STAG1: variants seen among roughly 807,000 people sequenced by gnomAD.
STAG1 encodes cohesin subunit SA-1.
STAG1 carries 26 observed loss-of-function variants against 170.9 expected under a neutral mutation model. The observed-to-expected ratio is 0.15, with a 90% CI of 0.11 to 0.21. The LOEUF is 0.21. STAG1 is among the 10% of genes least tolerant of loss of function. The pLI is 1.00. For synonymous variants in STAG1, 514 were observed against 497.7 expected (o/e 1.03, Z -0.44); for missense variants, 964 against 1,509.5 (o/e 0.64, Z 5.99).
rs558038977 is a variant in STAG1, at chr3:136,612,439, C to G, written c.133-7966G>C. On this transcript the variant is annotated intron_variant, in intron 3 of 33. Transcript: ENST00000383202. ...TGGGAAACAAAGCAAGACTCCTTCT[C>G]TACAAAAAAATAAAAAAATTTATCA... is the stretch of plus-strand genomic sequence containing the variant. 8.2e-4 allele frequency among the ~76,000 whole-genome samples: 124 copies of G among 151,132 alleles called. 1 individual carries two copies. Among genetic ancestry groups the G allele is most frequent in the African/African-American group, 2.4e-3 (98 of 41,164 alleles).
intron 6 of STAG1, among the ~76,000 whole-genome samples, chr3:136,538,311 G>A (rs981392643): frequency 5.9e-5 from 9 of 152,050 alleles, no homozygotes; most frequent in Non-Finnish European, 1.0e-4. Flanking sequence ...ATTACCAAGG[G>A]TGGAAGGAAG....
At chr3:136,678,693 T>C (rs1942221303) in intron 1 of STAG1, among the ~76,000 whole-genome samples, 1 of 151,614 alleles carries the variant, frequency 6.6e-6, no homozygotes, top group Non-Finnish European at 1.5e-5. Flanking sequence ...CACACTGAGC[T>C]TCTGCAATTT....
chr3:136,385,294 G>T (rs1048735646), intron 22 of STAG1, among the ~76,000 whole-genome samples: 7 of 152,000 alleles, frequency 4.6e-5, no homozygotes, highest in Non-Finnish European at 8.8e-5. Flanking sequence ...CAATATATCA[G>T]CCAGGTGTGG....
chr3:136,566,905 CTG>C (rs1937096959), intron 5 of STAG1, among the ~76,000 whole-genome samples: 1 of 152,046 alleles, frequency 6.6e-6, no homozygotes, highest in African/African-American at 2.4e-5. Flanking sequence ...TGCAATGAGC[CTG>C]TGTTTTTAAA....
At chr3:136,746,279 T>C (rs1299573334) in intron 1 of STAG1, among the ~76,000 whole-genome samples, 2 of 152,204 alleles carry the variant, frequency 1.3e-5, no homozygotes, top group Non-Finnish European at 2.9e-5. Context: ...GCCCCTATTA[T>C]ATCATTTCTG....
chr3:136,477,053 G>C (rs1330073006), intron 10 of STAG1, among the ~76,000 whole-genome samples: 2 of 152,058 alleles, frequency 1.3e-5, no homozygotes, highest in South Asian at 2.1e-4. Flanking sequence ...ATATATACCA[G>C]GTTGTCAAAC....
In STAG1 at chr3:136,477,447, T is replaced by C. The variant is rs760140277; in HGVS notation, c.903-35A>G. ...GAAAAAAAAGACAATCTCAAATTAATATACAAAGCTAGAATGCATTCATAC... is the reference window on the plus strand; with the variant it reads ...GAAAAAAAAGACAATCTCAAATTAACATACAAAGCTAGAATGCATTCATAC... On this transcript the variant is annotated intron_variant, in intron 9 of 33. Coordinates refer to ENST00000383202, the MANE Select transcript of STAG1 (RefSeq NM_005862.3). The C allele has an allele frequency of 3.8e-6, 6 of 1,562,776 alleles. No individual in the cohort carries two copies. In the Admixed American group the frequency reaches 5.5e-5, roughly 14 times the overall value.
intron 5 of STAG1, among the ~76,000 whole-genome samples, chr3:136,558,071 A>G (rs1936696358): frequency 6.6e-6 from 1 of 152,176 alleles, no homozygotes. Flanking sequence ...CAATATACAT[A>G]ACAAAGGAGA....
intron 5 of STAG1, among the ~76,000 whole-genome samples, chr3:136,544,613 A>T (rs1281300833): frequency 6.6e-6 from 1 of 151,866 alleles, no homozygotes; most frequent in Non-Finnish European, 1.5e-5. Context: ...AAATACAAAA[A>T]AACAGCCGGG....
intron 1 of STAG1, among the ~76,000 whole-genome samples, chr3:136,741,132 C>A (rs1434122656): frequency 1.3e-5 from 2 of 152,162 alleles, no homozygotes; most frequent in South Asian, 4.1e-4. Flanking sequence ...GAGCAAAAAG[C>A]GTATTTATGA....
At chr3:136,640,822 G>A (rs1293781170) in intron 1 of STAG1, among the ~76,000 whole-genome samples, 5 of 146,412 alleles carry the variant, frequency 3.4e-5, no homozygotes, top group East Asian at 2.1e-4. Context: ...ACAGGCGCCC[G>A]CCCCAACATG....
At chr3:136,458,153 G>C (rs192539847) in intron 13 of STAG1, among the ~76,000 whole-genome samples, 1 of 148,754 alleles carries the variant, frequency 6.7e-6, no homozygotes, top group Admixed American at 6.6e-5. Flanking sequence ...TTTCTGTTTT[G>C]TTTGTTTGTT....
intron 26 of STAG1, among the ~76,000 whole-genome samples, chr3:136,362,392 G>GA (rs1936903429): frequency 6.6e-6 from 1 of 151,954 alleles, no homozygotes; most frequent in South Asian, 2.1e-4. Context: ...ATGTAGGACT[G>GA]AAAATATTTC....
At position 136,367,103 on chromosome 3, in the gene STAG1, G is replaced by C. The variant is rs116241680; in HGVS notation, c.2546-21C>G. Reference sequence around the variant, plus strand: ...ACCCTCTAAACACAGATTACAAATTGGTTATGAATTCTGGTACTTTATCCA... The same window carrying C: ...ACCCTCTAAACACAGATTACAAATTCGTTATGAATTCTGGTACTTTATCCA... On this transcript the variant is annotated intron_variant, in intron 24 of 33. Transcript: ENST00000383202. The C allele has an allele frequency of 3.7e-3, 5,758 of 1,571,254 alleles. 180 individuals carry two copies. In the African/African-American group the frequency reaches 0.068, roughly 19 times the overall value.
chr3:136,629,276 T>G (rs1464470925), intron 2 of STAG1, among the ~76,000 whole-genome samples: 1 of 152,098 alleles, frequency 6.6e-6, no homozygotes, highest in Non-Finnish European at 1.5e-5. Flanking sequence ...CAATGCAGTT[T>G]AGGAGATGGG....
chr3:136,723,649 G>T, intron 1 of STAG1, among the ~76,000 whole-genome samples: 1 of 147,372 alleles, frequency 6.8e-6, no homozygotes, highest in African/African-American at 2.5e-5. Flanking sequence ...CCGTCCGGGA[G>T]GGAGGTGGGG....
At chr3:136,447,333 G>A (rs1387962055) in intron 14 of STAG1, among the ~76,000 whole-genome samples, 1 of 151,700 alleles carries the variant, frequency 6.6e-6, no homozygotes, top group Non-Finnish European at 1.5e-5. Context: ...GCTGGGTGTG[G>A]TGGCGCGTGC....
In STAG1 at chr3:136,656,617, T is replaced by TTGTGTGTGTGTGTGTGTGTGTGTGTG. The variant is rs71157397; in HGVS notation, c.-83-25662_-83-25637dup. Among the ~76,000 whole-genome samples, 460 of 143,376 alleles carry TTGTGTGTGTGTGTGTGTGTGTGTGTG rather than the reference T, an allele frequency of 3.2e-3. 2 individuals carry two copies. The highest frequency in any genetic ancestry group is 9.3e-3 in the African/African-American group (340 of 36,672). The allele number at this position is 143,376 out of a possible 152,430, so 94.1% of individuals were successfully genotyped here. A position where few individuals can be genotyped will look rare whatever the true frequency, so the allele number is the denominator to read the frequency against. ...ATAAACGTGTGCTCTCTGTATTTAT[T>TTGTGTGTGTGTGTGTGTGTGTGTGTG]TGTGTGTGTGTGTGTGTGTGTGTGT... On this transcript the variant is annotated intron_variant, in intron 1 of 33. Transcript: ENST00000383202.
intron 21 of STAG1, among the ~76,000 whole-genome samples, chr3:136,414,609 T>C (rs907494254): frequency 1.3e-5 from 2 of 152,196 alleles, no homozygotes; most frequent in Non-Finnish European, 2.9e-5. Context: ...ATGTTGATAG[T>C]TGGACCTCCT....
Sources: gnomAD v4.1 joint callset for allele counts (sites outside exome capture counted in the v4.1 genomes callset) on GRCh38, gnomAD v4.1.1 for gene constraint, MANE v1.5 for transcripts, NCBI Gene and HGNC (gene_info 2026-07-23, HGNC 2026-07-21) for gene names.